FRZB: variants seen among roughly 807,000 people sequenced by gnomAD.
The protein encoded by FRZB is frizzled related protein, also known as secreted frizzled-related protein 3.
In FRZB, 34 loss-of-function variants were observed where a neutral mutation model predicts 32.5. The ratio of observed to expected loss-of-function variants is 1.05; its 90% CI spans 0.80 to 1.39. FRZB has a LOEUF of 1.39. Among genes scored for constraint, FRZB ranks in the 40% most tolerant of loss-of-function variants. The pLI is 0.00. For missense variants in FRZB, 423 were observed against 424.8 expected, an observed-to-expected ratio of 1.00 and a Z score of 0.04; for synonymous variants, 170 against 159.2, an observed-to-expected ratio of 1.07 and a Z score of -0.51.
intron 2 of FRZB, among the ~76,000 whole-genome samples, chr2:182,852,958 C>T (rs190942656): frequency 2.0e-5 from 3 of 152,340 alleles, no homozygotes; most frequent in Admixed American, 1.3e-4. Flanking sequence ...AACAGCTTGA[C>T]ACTTTGGAAA....
chr2:182,844,032 A>G (rs980040550), intron 2 of FRZB, among the ~76,000 whole-genome samples: 3 of 152,206 alleles, frequency 2.0e-5, no homozygotes, highest in African/African-American at 4.8e-5. Flanking sequence ...TTTTATTTCC[A>G]GTTGAACTTG....
chr2:182,866,306 C>A lies in FRZB; in HGVS notation c.247G>T (p.Asp83Tyr), dbSNP rs774636756. 3 of 1,614,244 alleles carry A rather than the reference C, an allele frequency of 1.9e-6. No individual in the cohort carries two copies. The highest frequency in any genetic ancestry group is 2.2e-5 in the South Asian group (2 of 91,088). ...EGLLGTHCSP[D>Y]LLFFLCAMYA... ...ATGGCACAGAGGAAGAAGAGCAGAT[C>A]GGGGCTGCAGTGGGTGCCCAGCAGA... The change falls in exon 1 of 6, where the codon GAT becomes TAT. Residue 83 changes from aspartate (D) to tyrosine (Y), a missense_variant. Coordinates refer to ENST00000295113, the MANE Select transcript of FRZB (RefSeq NM_001463.4). This position sits in a 1 kb window ranked among gnomAD's most constrained non-coding sequence, Gnocchi z 4.5.
chr2:182,852,536 C>T (rs1035851423), intron 2 of FRZB, among the ~76,000 whole-genome samples: 3 of 152,084 alleles, frequency 2.0e-5, no homozygotes, highest in African/African-American at 7.2e-5. Flanking sequence ...CAGAATTTAC[C>T]AACTCTATCT....
At chr2:182,847,763 C>A (rs1337789042) in intron 2 of FRZB, among the ~76,000 whole-genome samples, 1 of 152,144 alleles carries the variant, frequency 6.6e-6, no homozygotes, top group Non-Finnish European at 1.5e-5. Context: ...AAGTATAAAG[C>A]AGTTATTTCA....
At chr2:182,844,952 TC>T (rs1288330307) in intron 2 of FRZB, among the ~76,000 whole-genome samples, 2 of 152,152 alleles carry the variant, frequency 1.3e-5, no homozygotes, top group Non-Finnish European at 1.5e-5. Flanking sequence ...GGACAATATG[TC>T]CCAATCCCTA....
Position 182,838,571 on chromosome 2 carries a change from T to A in FRZB, c.635A>T (p.Asp212Val). 1 of 1,612,930 alleles carries A rather than the reference T, an allele frequency of 6.2e-7. No individual in the cohort carries two copies. The highest frequency in any genetic ancestry group is 8.5e-7 in the Non-Finnish European group (1 of 1,179,170). ...CTTCACCTCCACTACTGCAGTCACA[T>A]CATGGCACTTAGTCTTTATCTCTTT... ...KVKEIKTKCH[D>V]VTAVVEVKEI... Residue 212 changes from aspartate (D) to valine (V), a missense_variant, in exon 4 of 6, where the codon GAT becomes GTT. Asp to Val is a radical substitution (Grantham distance 152). Transcript: ENST00000295113.
intron 3 of FRZB, among the ~76,000 whole-genome samples, chr2:182,842,153 A>G (rs1186829793): frequency 6.6e-6 from 1 of 152,110 alleles, no homozygotes; most frequent in Non-Finnish European, 1.5e-5. Flanking sequence ...ATGCAACCCA[A>G]CTTGAGCTCA....
intron 2 of FRZB, among the ~76,000 whole-genome samples, chr2:182,856,905 T>C (rs1472481794): frequency 1.3e-5 from 2 of 152,038 alleles, no homozygotes; most frequent in African/African-American, 4.8e-5. Context: ...ATAGATCTAG[T>C]AGACAGAAAA....
At chr2:182,853,989 A>G (rs1311516979) in intron 2 of FRZB, among the ~76,000 whole-genome samples, 1 of 152,230 alleles carries the variant, frequency 6.6e-6, no homozygotes, top group Non-Finnish European at 1.5e-5. Context: ...TTAAAGTGAA[A>G]AACTACTGCT....
At chr2:182,862,646 A>G (rs1046873476) in intron 1 of FRZB, among the ~76,000 whole-genome samples, 2 of 152,270 alleles carry the variant, frequency 1.3e-5, no homozygotes, top group Admixed American at 1.3e-4. Flanking sequence ...TTCAAAAACA[A>G]AATAGAAAAT....
At chr2:182,854,574 T>C (rs979959758) in intron 2 of FRZB, among the ~76,000 whole-genome samples, 11 of 152,160 alleles carry the variant, frequency 7.2e-5, no homozygotes, top group African/African-American at 2.7e-4. Context: ...CTCTAACATA[T>C]CAGCCTCTTG....
At chr2:182,843,977 G>T (rs1010241613) in intron 2 of FRZB, among the ~76,000 whole-genome samples, 1 of 151,628 alleles carries the variant, frequency 6.6e-6, no homozygotes, top group Non-Finnish European at 1.5e-5. Context: ...AACAATAAAA[G>T]GCAGAAGCTT....
chr2:182,852,747 T>G (rs1695723757), intron 2 of FRZB, among the ~76,000 whole-genome samples: 1 of 152,206 alleles, frequency 6.6e-6, no homozygotes, highest in Non-Finnish European at 1.5e-5. Context: ...GAACAAAAAT[T>G]GTTTTCCTCC....
At chr2:182,847,134 A>G (rs1347587255) in intron 2 of FRZB, among the ~76,000 whole-genome samples, 1 of 152,220 alleles carries the variant, frequency 6.6e-6, no homozygotes, top group Non-Finnish European at 1.5e-5. Context: ...TGAACAAAGA[A>G]AGTACACACA....
intron 5 of FRZB, among the ~76,000 whole-genome samples, chr2:182,836,957 C>T (rs1695532063): frequency 6.6e-6 from 1 of 151,998 alleles, no homozygotes; most frequent in South Asian, 2.1e-4. Context: ...TCTGCCGTGT[C>T]AAGTGCCAGA....
intron 2 of FRZB, among the ~76,000 whole-genome samples, chr2:182,849,787 G>A (rs1695689726): frequency 6.6e-6 from 1 of 152,128 alleles, no homozygotes; most frequent in South Asian, 2.1e-4. Context: ...TTTGTCTTTG[G>A]AAAATTTCAA....
At chr2:182,851,391 C>G (rs941263952) in intron 2 of FRZB, among the ~76,000 whole-genome samples, 1 of 152,194 alleles carries the variant, frequency 6.6e-6, no homozygotes, top group Non-Finnish European at 1.5e-5. Context: ...CACGGTGGCT[C>G]ACGCCTGTAA....
chr2:182,840,043 T>C (rs973297047), intron 3 of FRZB, among the ~76,000 whole-genome samples: 2 of 152,150 alleles, frequency 1.3e-5, no homozygotes, highest in Admixed American at 6.6e-5. Flanking sequence ...AATTAGTTAC[T>C]AAGGAATTCT....
rs777182199 is a variant in FRZB at position 182,866,281 on chromosome 2, A to C, written c.272T>G (p.Met91Arg). The change falls in exon 1 of 6, where the codon ATG becomes AGG. Residue 91 changes from methionine to arginine, a missense_variant. By Grantham distance (91) the Met-to-Arg change is moderately conservative. Transcript: ENST00000295113. This position sits in a 1 kb window ranked among gnomAD's most constrained non-coding sequence, Gnocchi z 4.5. ...SPDLLFFLCA[M>R]YAPICTIDFQ... ...GTCAATGGTGCAGATGGGCGCGTAC[A>C]TGGCACAGAGGAAGAAGAGCAGATC... is the stretch of plus-strand genomic sequence containing the variant. 42 of 1,614,104 alleles carry C rather than the reference A, an allele frequency of 2.6e-5. No individual in the cohort carries two copies. Among genetic ancestry groups the C allele is most frequent in the Non-Finnish European group, 3.3e-5 (39 of 1,180,050 alleles).
Sources: gnomAD v4.1 joint callset for allele counts (sites outside exome capture counted in the v4.1 genomes callset) on GRCh38, gnomAD v4.1.1 for gene constraint, Gnocchi (gnomAD v3.1) non-coding constraint, MANE v1.5 for transcripts, NCBI Gene and HGNC (gene_info 2026-07-23, HGNC 2026-07-21) for gene names.